Variants in SUPT3H observed in about 807,000 individuals in gnomAD.
The protein encoded by SUPT3H is transcription initiation protein SPT3 homolog.
A neutral mutation model predicts 44.3 loss-of-function variants in SUPT3H; 44 were observed. The ratio of observed to expected loss-of-function variants is 0.99; its 90% CI spans 0.78 to 1.28. SUPT3H has a LOEUF of 1.28. Among genes scored for constraint, SUPT3H ranks in the 50% most tolerant of loss-of-function variants. The probability of loss-of-function intolerance (pLI) is 0.00; values close to 1 mark genes in which losing one functional copy is unlikely to be tolerated. For missense variants in SUPT3H, 380 were observed against 387.1 expected, an observed-to-expected ratio of 0.98 and a Z score of 0.15; for synonymous variants, 124 against 125.6, an observed-to-expected ratio of 0.99 and a Z score of 0.09.
intron 3 of SUPT3H, among the ~76,000 whole-genome samples, chr6:45,046,874 A>C (rs2153533491): frequency 6.6e-6 from 1 of 152,292 alleles, no homozygotes; most frequent in Admixed American, 6.5e-5. Context: ...TACTCCTCTC[A>C]ATATAGTTAA....
chr6:45,355,590 T>C (rs185982743), intron 2 of SUPT3H, among the ~76,000 whole-genome samples: 63 of 152,276 alleles, frequency 4.1e-4, no homozygotes, highest in Admixed American at 4.0e-3. Context: ...TGTAGCATTA[T>C]TTTTCTTTGT....
chr6:44,998,615 CA>C (rs1443658040), intron 6 of SUPT3H, among the ~76,000 whole-genome samples: 2 of 149,268 alleles, frequency 1.3e-5, no homozygotes, highest in Non-Finnish European at 3.0e-5. Flanking sequence ...TTTTTAGTGG[CA>C]AAAACTGCAA....
chr6:45,219,909 C>G (rs954842879), intron 2 of SUPT3H, among the ~76,000 whole-genome samples: 2 of 151,386 alleles, frequency 1.3e-5, no homozygotes. Context: ...TGTGGTGGCA[C>G]GTGCCCGTAG....
At chr6:44,809,437 G>C (rs984427531) in exon 12 of SUPT3H, 5 of 152,218 alleles carry the variant, frequency 3.3e-5, no homozygotes, top group African/African-American at 1.2e-4. Context: ...GAGCAGGTCT[G>C]TCACCATCTA....
intron 2 of SUPT3H, among the ~76,000 whole-genome samples, chr6:45,220,028 G>C: frequency 9.6e-6 from 1 of 103,838 alleles, no homozygotes; most frequent in Non-Finnish European, 1.8e-5. Context: ...GACCGAGAGA[G>C]AGACTCTGTC....
intron 3 of SUPT3H, chr6:45,097,506 G>C (rs1056832330): frequency 6.6e-6 from 1 of 152,248 alleles, no homozygotes; most frequent in African/African-American, 2.4e-5. Context: ...GCAGCCCTAT[G>C]CAGGCTGTGA....
At chr6:45,013,872 T>C (rs1024856617) in intron 5 of SUPT3H, among the ~76,000 whole-genome samples, 1 of 152,038 alleles carries the variant, frequency 6.6e-6, no homozygotes, top group Non-Finnish European at 1.5e-5. Flanking sequence ...GGCAGAATGG[T>C]GAAGAGTGAT....
chr6:45,337,679 T>A (rs1788864262), intron 2 of SUPT3H, among the ~76,000 whole-genome samples: 1 of 151,792 alleles, frequency 6.6e-6, no homozygotes, highest in Admixed American at 6.6e-5. Context: ...GAGCAAAACA[T>A]TTTGAATGTA....
downstream of SUPT3H, among the ~76,000 whole-genome samples, chr6:44,826,123 C>T (rs537812852): frequency 5.3e-5 from 8 of 152,268 alleles, no homozygotes; most frequent in East Asian, 9.6e-4. Context: ...TTAAGAGATA[C>T]GACTTTCTAA....
chr6:45,059,293 C>T (rs1162823213), intron 3 of SUPT3H, among the ~76,000 whole-genome samples: 1 of 152,092 alleles, frequency 6.6e-6, no homozygotes, highest in East Asian at 1.9e-4. Context: ...ATATGCAAAT[C>T]AATAAATGTA....
intron 2 of SUPT3H, among the ~76,000 whole-genome samples, chr6:45,171,433 C>G (rs1810751824): frequency 6.6e-6 from 1 of 152,046 alleles, no homozygotes; most frequent in African/African-American, 2.4e-5. Flanking sequence ...AAAGGCAATA[C>G]CAACACTGAA....
chr6:44,832,234 T>C (rs1024453939), intron 10 of SUPT3H, among the ~76,000 whole-genome samples: 1 of 152,110 alleles, frequency 6.6e-6, no homozygotes, highest in Non-Finnish European at 1.5e-5. Flanking sequence ...CAACTGTAAA[T>C]TTCTCTCTAT....
chr6:45,368,179 G>C (rs777181613), intron 1 of SUPT3H, among the ~76,000 whole-genome samples: 8 of 152,124 alleles, frequency 5.3e-5, no homozygotes, highest in Non-Finnish European at 1.2e-4. Context: ...AAATGCATCT[G>C]TTTGCCATAT....
chr6:45,070,309 G>C (rs1794172794), intron 3 of SUPT3H, among the ~76,000 whole-genome samples: 1 of 152,114 alleles, frequency 6.6e-6, no homozygotes, highest in African/African-American at 2.4e-5. Context: ...AGAGTTTTCA[G>C]ATCAACAGAA....
chr6:44,985,212 T>TAAATAAAATAAAATAAAATA (rs5875901), intron 6 of SUPT3H, among the ~76,000 whole-genome samples: 2 of 113,608 alleles, frequency 1.8e-5, no homozygotes, highest in African/African-American at 6.9e-5. Context: ...AATAAATAAA[T>TAAATAAAATAAAATAAAATA]AAATAAAATA....
chr6:45,268,247 C>T (rs910278798), intron 2 of SUPT3H, among the ~76,000 whole-genome samples: 1 of 152,104 alleles, frequency 6.6e-6, no homozygotes, highest in African/African-American at 2.4e-5. Context: ...TTACAATTCA[C>T]ACTTTTAGAA....
chr6:45,094,496 A>G (rs1406891600), intron 3 of SUPT3H, among the ~76,000 whole-genome samples: 1 of 152,134 alleles, frequency 6.6e-6, no homozygotes, highest in Non-Finnish European at 1.5e-5. Flanking sequence ...AGTAGGATAT[A>G]CTACAGCAGG....
At chr6:44,843,022 T>TA (rs1771256521) in intron 10 of SUPT3H, among the ~76,000 whole-genome samples, 1 of 151,976 alleles carries the variant, frequency 6.6e-6, no homozygotes, top group African/African-American at 2.4e-5. Flanking sequence ...GGAGACTGGA[T>TA]AAAAAATATC....
intron 2 of SUPT3H, among the ~76,000 whole-genome samples, chr6:45,252,795 G>A (rs1772610240): frequency 6.6e-6 from 1 of 152,196 alleles, no homozygotes; most frequent in South Asian, 2.1e-4. Flanking sequence ...AAATGTTAGT[G>A]AGTAGGGTCA....
Sources: allele counts gnomAD v4.1 joint callset (sites outside exome capture counted in the v4.1 genomes callset), GRCh38; gene constraint gnomAD v4.1.1; transcripts MANE v1.5; gene names NCBI Gene and HGNC (gene_info 2026-07-23, HGNC 2026-07-21).